The following NR4A1 variants were observed in gnomAD, a reference collection of about 807,000 sequenced individuals.
NR4A1 encodes nuclear receptor subfamily 4immunitygroup A member 1.
NR4A1 carries 24 observed loss-of-function variants against 47.5 expected under a neutral mutation model. That is an observed-to-expected ratio of 0.50 (90% CI 0.37 to 0.71). The LOEUF is 0.71. Among genes scored for constraint, NR4A1 ranks in the 30% least tolerant of loss-of-function variants. The pLI, the probability that NR4A1 is intolerant of heterozygous loss-of-function variation, is 0.00. For missense variants in NR4A1, 669 were observed against 788.6 expected (o/e 0.85, Z 1.82); for synonymous variants, 353 against 345.7 (o/e 1.02, Z -0.24).
rs557359606 is a variant in NR4A1, at chr12:52,045,383, A to G, written c.37+3454A>G. 8.2e-4 allele frequency: 262 copies of G among 320,758 alleles called. 2 individuals carry two copies. Among genetic ancestry groups the G allele is most frequent in the African/African-American group, 5.4e-3 (248 of 45,772 alleles). The allele number at this position is 320,758 out of a possible 1,614,324, so 19.9% of individuals were successfully genotyped here. ...GACTTGAGTATGCATGGATTTTGGTATATGTCGGGGTCCTGGAACCCATCC... is the reference window on the plus strand; with the variant it reads ...GACTTGAGTATGCATGGATTTTGGTGTATGTCGGGGTCCTGGAACCCATCC... On this transcript the variant is annotated intron_variant, in intron 2 of 7. Coordinates refer to the NR4A1 transcript ENST00000360284.
At chr12:52,027,346 C>A (rs1258755261) in intron 1 of NR4A1, among the ~76,000 whole-genome samples, 1 of 152,250 alleles carries the variant, frequency 6.6e-6, no homozygotes, top group African/African-American at 2.4e-5. Context: ...CCAGCTCTCC[C>A]TGGGAGGCAG....
In NR4A1 at chr12:52,041,876, T is replaced by C. The variant is rs752750489; in HGVS notation, c.-17T>C. The C allele has an allele frequency of 3.3e-6, 5 of 1,530,374 alleles. No individual in the cohort carries two copies. The East Asian group carries it at 9.4e-5, about 29-fold the overall frequency. The allele number at this position is 1,530,374 out of a possible 1,614,324, so 94.8% of individuals were successfully genotyped here. On this transcript the variant is annotated 5_prime_UTR_variant, in exon 2 of 8. Transcript: ENST00000360284. ...CAGCCTGGCTCCTTCTGCTGGGCCC[T>C]GAAGGCAGACGGGATAATGTGGTTG...
chr12:52,037,425 G>C (rs550420422), intron 1 of NR4A1: 1 of 985,936 alleles, frequency 1.0e-6, no homozygotes, highest in Non-Finnish European at 1.2e-6. Context: ...GGAGAGGCGA[G>C]CGGAGCCCGC....
intron 1 of NR4A1, among the ~76,000 whole-genome samples, chr12:52,033,203 C>T (rs1322270345): frequency 6.6e-6 from 1 of 152,146 alleles, no homozygotes; most frequent in Non-Finnish European, 1.5e-5. Context: ...CCCCCGGGAG[C>T]GCAGCTGGGG....
intron 1 of NR4A1, chr12:52,052,713 A>G (rs1024216651): frequency 7.4e-6 from 7 of 948,632 alleles, no homozygotes; most frequent in Non-Finnish European, 6.3e-6. Flanking sequence ...GTTGATCCGG[A>G]TGTGGGACGT....
At chr12:52,039,132 A>G (rs1173039412) in intron 1 of NR4A1, among the ~76,000 whole-genome samples, 1 of 152,248 alleles carries the variant, frequency 6.6e-6, no homozygotes, top group South Asian at 2.1e-4. Flanking sequence ...AAATGTGCAT[A>G]ATAATAATCC....
chr12:52,052,223 T>G (rs1231429329), intron 1 of NR4A1, among the ~76,000 whole-genome samples: 1 of 150,394 alleles, frequency 6.6e-6, no homozygotes, highest in Non-Finnish European at 1.5e-5. Context: ...CGGGGCAGGG[T>G]CTCTGTAAGC....
chr12:52,030,452 G>A (rs760303653), intron 1 of NR4A1, among the ~76,000 whole-genome samples: 2 of 152,052 alleles, frequency 1.3e-5, no homozygotes, highest in Non-Finnish European at 2.9e-5. Flanking sequence ...TTTTTGAGAC[G>A]GAGTCTTGCT....
Position 52,056,569 on chromosome 12 carries a change from C to T in NR4A1, c.1082C>T (p.Pro361Leu). The change falls in exon 4 of 7, where the codon CCT (proline) becomes CTT (leucine). Residue 361 changes from proline (P) to leucine (L), a missense_variant. By Grantham distance (98) the Pro-to-Leu change is moderately conservative. Transcript: ENST00000394825. Reference sequence around the variant, plus strand: ...CCCAAGCAGCCCCCAGATGCCTCCCCTGCCAATCTCCTCACTTCCCTGGTC... The same window carrying T: ...CCCAAGCAGCCCCCAGATGCCTCCCTTGCCAATCTCCTCACTTCCCTGGTC... ...SKPKQPPDAS[P>L]ANLLTSLVRA... 4 of 1,613,816 alleles carry T rather than the reference C, an allele frequency of 2.5e-6. No individual in the cohort carries two copies. The highest frequency in any genetic ancestry group is 3.4e-6 in the Non-Finnish European group (4 of 1,179,892).
upstream of NR4A1, among the ~76,000 whole-genome samples, chr12:52,050,119 TCTTA>T (rs1938849411): frequency 6.6e-6 from 1 of 152,164 alleles, no homozygotes; most frequent in Admixed American, 6.5e-5. Flanking sequence ...TTCCCTCTTC[TCTTA>T]CTTTTCCGTG....
chr12:52,040,075 C>A (rs1938377831), intron 1 of NR4A1, among the ~76,000 whole-genome samples: 1 of 152,200 alleles, frequency 6.6e-6, no homozygotes, highest in African/African-American at 2.4e-5. Flanking sequence ...CTGCACAGTG[C>A]AGACTGTACT....
intron 1 of NR4A1, among the ~76,000 whole-genome samples, 198 bp downstream of exon 1, chr12:52,051,766 C>T (rs575907042): frequency 7.2e-5 from 11 of 152,272 alleles, no homozygotes; most frequent in East Asian, 5.8e-4. Flanking sequence ...GGGAGGTTGA[C>T]TACCTGCAAA....
At position 52,056,661 on chromosome 12, in the gene NR4A1, G is replaced by T. The variant is rs954436780; in HGVS notation, c.1158+16G>T. 1.9e-6 allele frequency: 3 copies of T among 1,557,884 alleles called. No individual in the cohort carries two copies. Among genetic ancestry groups the T allele is most frequent in the Non-Finnish European group, 2.6e-6 (3 of 1,158,302 alleles). ...CTACTCCAAGGTGAGGTCCCACCCC[G>T]TGTCTGCCTTGGGGAGGTCTATGAG... On this transcript the variant is annotated intron_variant, in intron 4 of 6. Coordinates refer to ENST00000394825, the MANE Select transcript of NR4A1 (RefSeq NM_173157.3).
chr12:52,052,454 C>T, intron 1 of NR4A1: 1 of 984,968 alleles, frequency 1.0e-6, no homozygotes, highest in Non-Finnish European at 1.2e-6. Flanking sequence ...TGCTGATCAT[C>T]CCTATGCCCC....
At chr12:52,048,463 AG>A (rs1938762353), upstream of NR4A1, among the ~76,000 whole-genome samples, 1 of 152,048 alleles carries the variant, frequency 6.6e-6, no homozygotes, top group Admixed American at 6.6e-5. Context: ...GCGTGGTGGC[AG>A]GCACCTGTAG....
At chr12:52,053,807 C>T (rs1939102095) in intron 1 of NR4A1, 1 of 155,664 alleles carries the variant, frequency 6.4e-6, no homozygotes, top group Admixed American at 6.4e-5. Flanking sequence ...TGTCCTTCTT[C>T]CTAGGCACTG....
chr12:52,043,982 A>C (rs1436706719), intron 2 of NR4A1: 2 of 1,254,880 alleles, frequency 1.6e-6, no homozygotes, highest in African/African-American at 3.1e-5. Flanking sequence ...TGTGACTGTC[A>C]TGCCAAACCC....
upstream of NR4A1, among the ~76,000 whole-genome samples, chr12:52,048,109 G>A (rs769686682): frequency 6.6e-6 from 1 of 151,240 alleles, no homozygotes; most frequent in East Asian, 2.0e-4. Context: ...AGCCGAGATC[G>A]CACCACTTCA....
At position 52,058,715 on chromosome 12, in the gene NR4A1, G is replaced by A. The variant is rs753351427; in HGVS notation, c.1568G>A (p.Arg523Gln). ...TDRHGLQEPR[R>Q]VEELQNRIAS... Reference sequence around the variant, plus strand: ...CGGCATGGGCTGCAGGAGCCGCGGCGGGTGGAGGAGCTGCAGAACCGCATC... The same window carrying A: ...CGGCATGGGCTGCAGGAGCCGCGGCAGGTGGAGGAGCTGCAGAACCGCATC... Residue 523 changes from arginine to glutamine, a missense_variant, in exon 7 of 7, where the codon CGG (arginine) becomes CAG (glutamine). Coordinates refer to ENST00000394825, the MANE Select transcript of NR4A1 (RefSeq NM_173157.3). The A allele has an allele frequency of 1.0e-5, 16 of 1,607,826 alleles. No homozygotes were observed. Among genetic ancestry groups the A allele is most frequent in the Admixed American group, 8.4e-5 (5 of 59,816 alleles).
Sources: allele counts gnomAD v4.1 joint callset (sites outside exome capture counted in the v4.1 genomes callset), GRCh38; gene constraint gnomAD v4.1.1; transcripts MANE v1.5; gene names NCBI Gene and HGNC (gene_info 2026-07-23, HGNC 2026-07-21).